The following NXPE2 variants were observed in gnomAD, a reference collection of about 807,000 sequenced individuals.
NXPE2 encodes neurexophilin and PC-esterase domain family member 2.
A neutral mutation model predicts 34.4 loss-of-function variants in NXPE2; 34 were observed. The ratio of observed to expected loss-of-function variants is 0.99; its 90% CI spans 0.75 to 1.31. The LOEUF (loss-of-function observed/expected upper bound fraction) is 1.31. NXPE2 is among the 40% of genes most tolerant of loss of function. The probability of loss-of-function intolerance (pLI) is 0.00; values close to 1 mark genes in which losing one functional copy is unlikely to be tolerated. For synonymous variants in NXPE2, 235 were observed against 231.3 expected, an observed-to-expected ratio of 1.02 and a Z score of -0.15; for missense variants, 649 against 672.5, an observed-to-expected ratio of 0.97 and a Z score of 0.39.
At chr11:114,586,131 T>A in the NXPE2 span, among the ~76,000 whole-genome samples, 1 of 152,180 alleles carries the variant, frequency 6.6e-6, no homozygotes, top group East Asian at 1.9e-4. Flanking sequence ...CACTACCTCC[T>A]CAAGCTCATC....
At chr11:114,485,587 A>G in the NXPE2 span, among the ~76,000 whole-genome samples, 1 of 151,946 alleles carries the variant, frequency 6.6e-6, no homozygotes, top group Non-Finnish European at 1.5e-5. Context: ...CTGTTGTGCT[A>G]TCAAATAATA....
chr11:114,792,784 T>G, the NXPE2 span, among the ~76,000 whole-genome samples: 11 of 152,232 alleles, frequency 7.2e-5, no homozygotes, highest in Admixed American at 3.3e-4. Flanking sequence ...CTGCCATTAA[T>G]TGATTCTGCT....
chr11:114,754,320 T>C, the NXPE2 span, among the ~76,000 whole-genome samples: 1 of 152,028 alleles, frequency 6.6e-6, no homozygotes, highest in Non-Finnish European at 1.5e-5. Flanking sequence ...CCACCTGTGT[T>C]CCCTGCCTCT....
chr11:114,472,845 T>C, the NXPE2 span, among the ~76,000 whole-genome samples: 1 of 152,218 alleles, frequency 6.6e-6, no homozygotes, highest in Non-Finnish European at 1.5e-5. Context: ...GTTCATGATG[T>C]CATCCTATCA....
At chr11:114,809,934 C>G in the NXPE2 span, among the ~76,000 whole-genome samples, 5 of 148,884 alleles carry the variant, frequency 3.4e-5, no homozygotes, top group Non-Finnish European at 7.4e-5. Context: ...TACCTGACTT[C>G]AAACTATACT....
chr11:114,745,394 A>G, the NXPE2 span, among the ~76,000 whole-genome samples: 1 of 152,174 alleles, frequency 6.6e-6, no homozygotes, highest in African/African-American at 2.4e-5. Context: ...ATTTTTCAAC[A>G]AACAGTTCTT....
the NXPE2 span, among the ~76,000 whole-genome samples, chr11:114,757,229 T>C: frequency 6.6e-6 from 1 of 152,116 alleles, no homozygotes; most frequent in Non-Finnish European, 1.5e-5. Flanking sequence ...TCTTTTTTAT[T>C]CCAAGACTAT....
the NXPE2 span, among the ~76,000 whole-genome samples, chr11:114,645,146 A>T: frequency 1.3e-5 from 2 of 152,132 alleles, no homozygotes; most frequent in South Asian, 4.1e-4. Flanking sequence ...TACTAAAAAT[A>T]CAAAAATTAG....
the NXPE2 span, among the ~76,000 whole-genome samples, chr11:114,561,962 C>T: frequency 6.6e-6 from 1 of 152,078 alleles, no homozygotes; most frequent in African/African-American, 2.4e-5. Context: ...CTTTATTTCA[C>T]GTATCATATT....
chr11:114,626,448 G>C, the NXPE2 span, among the ~76,000 whole-genome samples: 3 of 151,866 alleles, frequency 2.0e-5, no homozygotes, highest in Non-Finnish European at 4.4e-5. Context: ...TACTCCAACA[G>C]ACCTGCAGCT....
chr11:114,642,924 G>A, the NXPE2 span, among the ~76,000 whole-genome samples: 4 of 151,882 alleles, frequency 2.6e-5, no homozygotes, highest in Non-Finnish European at 5.9e-5. Context: ...CTCCAGCATC[G>A]GATGTTTCCT....
the NXPE2 span, chr11:114,513,206 A>C: frequency 1.8e-6 from 1 of 542,764 alleles, no homozygotes; most frequent in South Asian, 1.5e-5. Context: ...CAGGATGTCC[A>C]GCTGGTGCCT....
chr11:114,698,781 A>G lies in NXPE2; in HGVS notation c.866+3A>G. 1 of 1,518,518 alleles carries G rather than the reference A, an allele frequency of 6.6e-7. No homozygotes were observed. The highest frequency in any genetic ancestry group is 1.4e-5 in the African/African-American group (1 of 72,238). 94.1% of individuals were successfully genotyped at this position (1,518,518 alleles called of 1,614,324 possible). A position where few individuals can be genotyped will look rare whatever the true frequency, so the allele number is the denominator to read the frequency against. On this transcript the variant is annotated splice_donor_region_variant and intron_variant, in intron 3 of 5. Coordinates refer to ENST00000389586, the MANE Select transcript of NXPE2 (RefSeq NM_182495.6). ...GAAGAATGGAGGCTTTTCCACAGGT[A>G]AAGAGGCTTTTAAATACAATAGCAG...
chr11:114,762,662 C>T, the NXPE2 span, among the ~76,000 whole-genome samples: 2 of 152,178 alleles, frequency 1.3e-5, no homozygotes, highest in African/African-American at 2.4e-5. Context: ...CCTGCTGGCA[C>T]ATGACTAGAG....
chr11:114,664,308 C>T, the NXPE2 span, among the ~76,000 whole-genome samples: 7 of 151,982 alleles, frequency 4.6e-5, no homozygotes, highest in African/African-American at 1.7e-4. Context: ...TGGCAGAAAA[C>T]AAATTAAGGG....
chr11:114,809,264 T>C, the NXPE2 span, among the ~76,000 whole-genome samples: 1 of 151,924 alleles, frequency 6.6e-6, no homozygotes, highest in African/African-American at 2.4e-5. Flanking sequence ...ACGGGAAGCA[T>C]TCCCTTTGAA....
At chr11:114,812,100 T>C in the NXPE2 span, among the ~76,000 whole-genome samples, 3 of 152,224 alleles carry the variant, frequency 2.0e-5, no homozygotes, top group African/African-American at 7.2e-5. Flanking sequence ...AGCAAATTGA[T>C]TTTTAATCAC....
chr11:114,810,114 G>A, the NXPE2 span, among the ~76,000 whole-genome samples: 91 of 145,910 alleles, frequency 6.2e-4, no homozygotes, highest in Admixed American at 2.0e-3. Flanking sequence ...TTAATAAATG[G>A]TGCTGGGAAA....
At chr11:114,602,161 TTATAA>T in the NXPE2 span, among the ~76,000 whole-genome samples, 1 of 106,460 alleles carries the variant, frequency 9.4e-6, no homozygotes, top group African/African-American at 3.9e-5. Context: ...TATACATTAT[TTATAA>T]TATATTATAC....
Sources: allele counts gnomAD v4.1 joint callset (sites outside exome capture counted in the v4.1 genomes callset), GRCh38; gene constraint gnomAD v4.1.1; transcripts MANE v1.5; gene names NCBI Gene and HGNC (gene_info 2026-07-23, HGNC 2026-07-21).